The following KCNMA1 variants were observed in gnomAD, a reference collection of about 807,000 sequenced individuals.
KCNMA1 encodes the protein Calcium-activated potassium channel subunit alpha-1.
Under a neutral mutation model 140.0 loss-of-function variants are expected in KCNMA1, and 29 were observed. The observed-to-expected ratio is 0.21, with a 90% CI of 0.15 to 0.28. The LOEUF is 0.28. KCNMA1 is among the 10% of genes least tolerant of loss of function. KCNMA1 has a pLI of 1.00. For missense variants in KCNMA1, 880 were observed against 1,602.2 expected (o/e 0.55, Z 7.70); for synonymous variants, 612 against 611.9 (o/e 1.00, Z 0.00).
chr10:76,889,635 G>T, intron 26 of KCNMA1, 66 bp from the exon 27 acceptor site: 1 of 1,297,458 alleles, frequency 7.7e-7, no homozygotes, highest in Non-Finnish European at 1.1e-6. Context: ...AGGGACAGCA[G>T]GGAAACGGGT....
At chr10:77,029,331 T>C (rs2093740936) in intron 15 of KCNMA1, among the ~76,000 whole-genome samples, 1 of 152,196 alleles carries the variant, frequency 6.6e-6, no homozygotes, top group African/African-American at 2.4e-5. Context: ...TGGGTCACAG[T>C]GTGGGGAAGG....
intron 2 of KCNMA1, among the ~76,000 whole-genome samples, chr10:77,382,009 T>C (rs2095406537): frequency 6.6e-6 from 1 of 152,138 alleles, no homozygotes; most frequent in African/African-American, 2.4e-5. Context: ...TGTTCCCTCT[T>C]TATTTATTTT....
At chr10:76,976,188 G>A (rs920177531) in intron 19 of KCNMA1, among the ~76,000 whole-genome samples, 17 of 152,204 alleles carry the variant, frequency 1.1e-4, no homozygotes, top group African/African-American at 3.9e-4. Context: ...GACAGGCATA[G>A]GGAGTGCCCA....
intron 2 of KCNMA1, chr10:77,315,353 A>G (rs1401682682): frequency 6.6e-6 from 1 of 152,192 alleles, no homozygotes; most frequent in Admixed American, 6.5e-5. Flanking sequence ...AGACAGTGTG[A>G]GTCTCGTACA....
chr10:77,219,593 A>C (rs968437836), intron 3 of KCNMA1, among the ~76,000 whole-genome samples: 2 of 152,144 alleles, frequency 1.3e-5, no homozygotes, highest in African/African-American at 4.8e-5. Flanking sequence ...CAGAAACCTC[A>C]AATGTCCTTT....
chr10:76,980,967 C>T (rs868833450), intron 19 of KCNMA1, among the ~76,000 whole-genome samples: 5 of 152,092 alleles, frequency 3.3e-5, no homozygotes, highest in Non-Finnish European at 5.9e-5. Flanking sequence ...ATTAGAGTAC[C>T]TATCTAATAG....
intron 20 of KCNMA1, among the ~76,000 whole-genome samples, chr10:76,956,808 T>C (rs570102285): frequency 3.3e-5 from 5 of 152,126 alleles, no homozygotes; most frequent in African/African-American, 1.2e-4. Flanking sequence ...TTGGGTAGCA[T>C]TAAGGAAGGT....
chr10:77,562,995 C>T (rs1187042336), intron 1 of KCNMA1, among the ~76,000 whole-genome samples: 3 of 152,072 alleles, frequency 2.0e-5, no homozygotes, highest in African/African-American at 7.2e-5. Flanking sequence ...TACGCTATGC[C>T]CTGAAATTTT....
At chr10:77,088,360 T>C (rs1418300842) in intron 10 of KCNMA1, among the ~76,000 whole-genome samples, 2 of 152,232 alleles carry the variant, frequency 1.3e-5, no homozygotes, top group African/African-American at 4.8e-5. Flanking sequence ...CCATCTACTA[T>C]AAGTATGACA....
At position 77,009,386 on chromosome 10, in the gene KCNMA1, C is replaced by T. The variant is rs144089311; in HGVS notation, c.2092+2581G>A. Among the ~76,000 whole-genome samples the T allele has an allele frequency of 2.5e-3, 379 of 152,262 alleles. 3 individuals carry two copies. Among genetic ancestry groups the T allele is most frequent in the Non-Finnish European group, 1.7e-3 (118 of 68,026 alleles). Reference sequence around the variant, plus strand: ...TGGAAAAATACCCTAGAGGCCAAATCCTTATTTCTTATTTCTAGGGACAAT... The same window carrying T: ...TGGAAAAATACCCTAGAGGCCAAATTCTTATTTCTTATTTCTAGGGACAAT... On this transcript the variant is annotated intron_variant, in intron 18 of 27. Coordinates refer to ENST00000286628, the MANE Select transcript of KCNMA1 (RefSeq NM_001161352.2).
intron 25 of KCNMA1, among the ~76,000 whole-genome samples, chr10:76,907,804 G>C (rs992362088): frequency 7.9e-5 from 12 of 152,146 alleles, no homozygotes; most frequent in East Asian, 7.7e-4. Flanking sequence ...GCCTTCTAAA[G>C]TGCTGGGTTA....
At chr10:77,512,952 C>T (rs2048940734) in intron 1 of KCNMA1, among the ~76,000 whole-genome samples, 2 of 152,184 alleles carry the variant, frequency 1.3e-5, no homozygotes, top group Admixed American at 6.5e-5. Context: ...TGCCCTTACT[C>T]CCTGGCCTTA....
At chr10:77,540,076 T>G (rs1376629886) in intron 1 of KCNMA1, among the ~76,000 whole-genome samples, 1 of 152,174 alleles carries the variant, frequency 6.6e-6, no homozygotes, top group Non-Finnish European at 1.5e-5. Flanking sequence ...ATCCCCCTAA[T>G]TCACCAATAA....
At chr10:77,458,300 G>A (rs996589258) in intron 1 of KCNMA1, among the ~76,000 whole-genome samples, 1 of 152,196 alleles carries the variant, frequency 6.6e-6, no homozygotes, top group African/African-American at 2.4e-5. Context: ...GAGCTCCCTT[G>A]TTCCTTCCAA....
intron 1 of KCNMA1, among the ~76,000 whole-genome samples, chr10:77,514,702 G>A (rs1389121738): frequency 3.3e-5 from 5 of 152,196 alleles, no homozygotes; most frequent in African/African-American, 9.6e-5. Context: ...GGCAGTGGCA[G>A]GGTGGGTGGA....
intron 1 of KCNMA1, among the ~76,000 whole-genome samples, chr10:77,591,387 C>T (rs1206699683): frequency 6.6e-6 from 1 of 152,146 alleles, no homozygotes; most frequent in Non-Finnish European, 1.5e-5. Flanking sequence ...CCAGGAAGCC[C>T]TCCTGGCTCT....
At chr10:77,284,261 A>G (rs2069848216) in intron 2 of KCNMA1, among the ~76,000 whole-genome samples, 1 of 152,202 alleles carries the variant, frequency 6.6e-6, no homozygotes, top group Non-Finnish European at 1.5e-5. Context: ...GAGCTGCCAC[A>G]ATAGGCAACA....
At chr10:77,474,755 G>A (rs1411013325) in intron 1 of KCNMA1, among the ~76,000 whole-genome samples, 1 of 152,200 alleles carries the variant, frequency 6.6e-6, no homozygotes, top group Non-Finnish European at 1.5e-5. Context: ...GCAATAGGGT[G>A]TCAGAGAAAG....
intron 12 of KCNMA1, among the ~76,000 whole-genome samples, chr10:77,082,189 C>G (rs1212573836): frequency 6.6e-6 from 1 of 151,636 alleles, no homozygotes; most frequent in South Asian, 2.1e-4. Flanking sequence ...CCACCACACC[C>G]AGCTAAGTTT....
Sources: allele counts gnomAD v4.1 joint callset (sites outside exome capture counted in the v4.1 genomes callset), GRCh38; gene constraint gnomAD v4.1.1; transcripts MANE v1.5; gene names NCBI Gene and HGNC (gene_info 2026-07-23, HGNC 2026-07-21).